The following PCDH15 variants were observed in gnomAD, a reference collection of about 807,000 sequenced individuals.
The protein encoded by PCDH15 is protocadherin-15.
Under a neutral mutation model 178.5 loss-of-function variants are expected in PCDH15, and 129 were observed. That is an observed-to-expected ratio of 0.72 (90% confidence interval 0.63 to 0.84). PCDH15 has a LOEUF of 0.84. Ranked by LOEUF, PCDH15 falls within the 40% of genes least tolerant of loss-of-function variation. PCDH15 has a pLI of 0.00. For synonymous variants in PCDH15, 800 were observed against 732.0 expected (o/e 1.09, Z -1.50); for missense variants, 2,230 against 2,099.9 (o/e 1.06, Z -1.21).
intron 13 of PCDH15, among the ~76,000 whole-genome samples, chr10:54,170,231 G>C (rs1415594462): frequency 6.9e-6 from 1 of 145,148 alleles, no homozygotes; most frequent in African/African-American, 2.6e-5. Flanking sequence ...TGCCAATCGT[G>C]TCCGACTGAT....
At chr10:53,816,662 CT>C (rs1026740491) in intron 34 of PCDH15, among the ~76,000 whole-genome samples, 8 of 152,194 alleles carry the variant, frequency 5.3e-5, no homozygotes, top group African/African-American at 1.9e-4. Context: ...AGTTGCCCTT[CT>C]TTTTTTCCTT....
At chr10:54,768,946 G>A (rs1302804091) in intron 1 of PCDH15, among the ~76,000 whole-genome samples, 1 of 152,098 alleles carries the variant, frequency 6.6e-6, no homozygotes, top group Admixed American at 6.6e-5. Flanking sequence ...TGGGAAAGAA[G>A]TGTAAAACTT....
At chr10:54,011,792 C>T (rs188930422) in intron 20 of PCDH15, among the ~76,000 whole-genome samples, 133 of 152,316 alleles carry the variant, frequency 8.7e-4, no homozygotes, top group African/African-American at 3.1e-3. Flanking sequence ...AACCAACTGA[C>T]TGTACTCAAA....
chr10:54,292,976 A>C (rs528935671), intron 8 of PCDH15, among the ~76,000 whole-genome samples: 2 of 152,314 alleles, frequency 1.3e-5, no homozygotes, highest in Non-Finnish European at 2.9e-5. Flanking sequence ...TTTAAAGTTC[A>C]AGTGGAAATA....
intron 2 of PCDH15, among the ~76,000 whole-genome samples, chr10:55,533,398 T>C (rs1372358782): frequency 6.6e-6 from 1 of 152,044 alleles, no homozygotes; most frequent in Non-Finnish European, 1.5e-5. Context: ...GATACAAATA[T>C]ATGTAGAAAA....
intron 2 of PCDH15, among the ~76,000 whole-genome samples, chr10:55,424,448 C>T (rs1035169062): frequency 6.6e-6 from 1 of 152,156 alleles, no homozygotes; most frequent in African/African-American, 2.4e-5. Flanking sequence ...AAAGGTCTCA[C>T]ATATTGCAAA....
chr10:54,387,728 C>T (rs1016361967), intron 3 of PCDH15, among the ~76,000 whole-genome samples: 1 of 152,128 alleles, frequency 6.6e-6, no homozygotes, highest in Non-Finnish European at 1.5e-5. Context: ...CATTTCTTCC[C>T]TGCTATATAA....
At chr10:55,428,929 C>G (rs1838820273) in intron 2 of PCDH15, among the ~76,000 whole-genome samples, 1 of 151,342 alleles carries the variant, frequency 6.6e-6, no homozygotes, top group Non-Finnish European at 1.5e-5. Context: ...ACATTATTAC[C>G]TACCTCAGTT....
intron 2 of PCDH15, among the ~76,000 whole-genome samples, chr10:55,575,381 T>A (rs539678196): frequency 6.6e-6 from 1 of 152,204 alleles, no homozygotes; most frequent in African/African-American, 2.4e-5. Flanking sequence ...ACCCAACACA[T>A]AAAATTTTGC....
At chr10:55,504,166 C>T (rs921383218) in intron 2 of PCDH15, among the ~76,000 whole-genome samples, 11 of 150,638 alleles carry the variant, frequency 7.3e-5, no homozygotes, top group Non-Finnish European at 1.2e-4. Context: ...CTATGCATTC[C>T]GGATGCTAAT....
chr10:54,730,639 C>T (rs923641980), intron 1 of PCDH15, among the ~76,000 whole-genome samples: 36 of 151,120 alleles, frequency 2.4e-4, no homozygotes, highest in Non-Finnish European at 1.2e-4. Context: ...GAAAAAGGCA[C>T]CAAGAACAGG....
intron 5 of PCDH15, among the ~76,000 whole-genome samples, chr10:54,348,409 G>A: frequency 6.6e-6 from 1 of 152,130 alleles, no homozygotes. Flanking sequence ...AGGGACCACT[G>A]GGGATAGATT....
chr10:55,093,131 A>T (rs1842357484), intron 2 of PCDH15, among the ~76,000 whole-genome samples: 1 of 152,072 alleles, frequency 6.6e-6, no homozygotes, highest in Admixed American at 6.6e-5. Context: ...ACAGACTGAA[A>T]ATACATATGA....
chr10:55,558,849 T>C (rs1842139775), intron 2 of PCDH15, among the ~76,000 whole-genome samples: 1 of 152,138 alleles, frequency 6.6e-6, no homozygotes, highest in Non-Finnish European at 1.5e-5. Context: ...GCCTATAATG[T>C]ATTTGTTATT....
chr10:54,149,312 T>G lies in PCDH15; in HGVS notation c.1784+3788A>C, dbSNP rs116478100. Among the ~76,000 whole-genome samples, 835 of 152,260 alleles carry G rather than the reference T, an allele frequency of 5.5e-3. 11 individuals are homozygous for G. The highest frequency in any genetic ancestry group is 0.019 in the African/African-American group (785 of 41,554). ...GGGCTTTCAAATGATGGTACTGTAG[T>G]TATCTTTGTTTTCCAGAATGTAGTA... On this transcript the variant is annotated intron_variant, in intron 14 of 37. Coordinates refer to ENST00000644397, the MANE Select transcript of PCDH15 (RefSeq NM_001384140.1).
At chr10:54,258,351 T>A (rs903480212) in intron 8 of PCDH15, among the ~76,000 whole-genome samples, 4 of 152,134 alleles carry the variant, frequency 2.6e-5, no homozygotes, top group African/African-American at 9.7e-5. Context: ...ATAACAGATA[T>A]AAGGAAAAAC....
chr10:54,192,089 A>G (rs575532912), intron 11 of PCDH15, among the ~76,000 whole-genome samples: 21 of 121,426 alleles, frequency 1.7e-4, no homozygotes, highest in Admixed American at 4.9e-4. Context: ...GAAAGAAACA[A>G]AGGAAGGAAG....
At chr10:54,761,885 G>A (rs1359977351) in intron 1 of PCDH15, among the ~76,000 whole-genome samples, 1 of 152,098 alleles carries the variant, frequency 6.6e-6, no homozygotes, top group Non-Finnish European at 1.5e-5. Context: ...TTATTCATAA[G>A]TAATTGGAGT....
chr10:53,831,427 T>C lies in PCDH15; in HGVS notation c.4090A>G (p.Lys1364Glu), dbSNP rs569275683. 2.5e-6 allele frequency: 4 copies of C among 1,614,186 alleles called. No homozygotes were observed. The East Asian group carries it at 8.9e-5, about 36-fold the overall frequency. Reference protein sequence around the residue: ...IRTPEAVTSIKKRGESLGYTE... With the variant: ...IRTPEAVTSIEKRGESLGYTE... ...TATCCTAGACTTTCTCCTCTCTTTT[T>C]AATGCTGGTCACTGCCTCTGGAGTC... The change falls in exon 30 of 38, where the codon AAA becomes GAA. Residue 1364 changes from lysine (K) to glutamate (E), a missense_variant. Physicochemically the swap from Lys to Glu is moderately conservative, Grantham distance 56. Coordinates refer to ENST00000644397, the MANE Select transcript of PCDH15 (RefSeq NM_001384140.1).
Sources: gnomAD v4.1 joint callset for allele counts (sites outside exome capture counted in the v4.1 genomes callset) on GRCh38, gnomAD v4.1.1 for gene constraint, MANE v1.5 for transcripts, NCBI Gene and HGNC (gene_info 2026-07-23, HGNC 2026-07-21) for gene names.